PRTN3: variants seen among roughly 807,000 people sequenced by gnomAD.
The protein encoded by PRTN3 is proteinase 3.
PRTN3 carries 22 observed loss-of-function variants against 20.7 expected under a neutral mutation model. The observed-to-expected ratio is 1.06, with a 90% CI of 0.76 to 1.52. PRTN3 has a LOEUF of 1.52. PRTN3 is among the 40% of genes most tolerant of loss of function. The pLI, the probability that PRTN3 is intolerant of heterozygous loss-of-function variation, is 0.00. For synonymous variants in PRTN3, 173 were observed against 152.9 expected (o/e 1.13, Z -0.97); for missense variants, 378 against 359.6 (o/e 1.05, Z -0.41).
At chr19:841,642 C>T (rs187152277) in intron 1 of PRTN3, among the ~76,000 whole-genome samples, 19 of 151,434 alleles carry the variant, frequency 1.3e-4, no homozygotes, top group African/African-American at 3.2e-4. Flanking sequence ...GTGAAAGGGT[C>T]GAGGAGTTAG....
In PRTN3 at chr19:844,037, G is replaced by A. The variant is rs1321277633; in HGVS notation, c.369+3G>A. On this transcript the variant is annotated splice_donor_region_variant and intron_variant, in intron 3 of 4. Transcript: ENST00000234347. ...TGAACGACGTTCTCCTCATCCAGGTGGGCGGGCAGGGCCGCGAGGGCTCGG... is the reference window on the plus strand; with the variant it reads ...TGAACGACGTTCTCCTCATCCAGGTAGGCGGGCAGGGCCGCGAGGGCTCGG... The A allele has an allele frequency of 3.7e-6, 6 of 1,600,094 alleles. No homozygotes were observed. The highest frequency in any genetic ancestry group is 1.7e-5 in the Admixed American group (1 of 58,064).
At chr19:847,705 A>C in intron 4 of PRTN3, 94 bp from the exon 5 acceptor site, 1 of 1,431,628 alleles carries the variant, frequency 7.0e-7, no homozygotes. Context: ...CTCCCGGGAG[A>C]CTCAGGTGGC....
rs1160898484 is a variant in PRTN3 at position 843,452 on chromosome 19, C to A, written c.62-9C>A. On this transcript the variant is annotated splice_polypyrimidine_tract_variant and intron_variant, in intron 1 of 4. Coordinates refer to ENST00000234347, the MANE Select transcript of PRTN3 (RefSeq NM_002777.4). Reference sequence around the variant, plus strand: ...GGGGCTCCCTGACGCCTGGACTCCCCCCCTGCAGGTGCTGCCCGAGCTGCG... The same window carrying A: ...GGGGCTCCCTGACGCCTGGACTCCCACCCTGCAGGTGCTGCCCGAGCTGCG... 3 of 1,552,080 alleles carry A rather than the reference C, an allele frequency of 1.9e-6. No homozygotes were observed. The highest frequency in any genetic ancestry group is 2.4e-5 in the East Asian group (1 of 41,938).
chr19:846,674 C>T (rs1375173672), intron 4 of PRTN3, among the ~76,000 whole-genome samples: 1 of 152,244 alleles, frequency 6.6e-6, no homozygotes, highest in Non-Finnish European at 1.5e-5. Flanking sequence ...GAATCCAGGA[C>T]TCCAGGTATC....
intron 3 of PRTN3, among the ~76,000 whole-genome samples, chr19:845,867 A>T (rs959027592): frequency 6.6e-6 from 1 of 151,526 alleles, no homozygotes; most frequent in South Asian, 2.1e-4. Context: ...ACCTCACCCA[A>T]TGGGATGGCT....
intron 3 of PRTN3, among the ~76,000 whole-genome samples, chr19:845,850 G>C (rs919849982): frequency 2.6e-5 from 4 of 152,082 alleles, no homozygotes; most frequent in African/African-American, 9.7e-5. Context: ...TTGAGACCAG[G>C]CTGGCCACCT....
intron 1 of PRTN3, 39 bp downstream of exon 1, chr19:841,108 C>G (rs1394555890): frequency 4.4e-6 from 7 of 1,594,892 alleles, no homozygotes; most frequent in Non-Finnish European, 5.9e-6. Context: ...GCCTCCAGGC[C>G]CCGGTGGATT....
In PRTN3 at chr19:848,059, C is replaced by T. The variant is rs1178083809; in HGVS notation, c.*90C>T. Reference sequence around the variant, plus strand: ...TGGACAGAAGCAGCTCTTCCCCGAACACTGTGGCGTCCGGGACGGCCCCAC... The same window carrying T: ...TGGACAGAAGCAGCTCTTCCCCGAATACTGTGGCGTCCGGGACGGCCCCAC... On this transcript the variant is annotated 3_prime_UTR_variant, in exon 5 of 5. Transcript: ENST00000234347. 1.0e-5 allele frequency: 15 copies of T among 1,454,922 alleles called. No homozygotes were observed. Among genetic ancestry groups the T allele is most frequent in the Non-Finnish European group, 1.4e-5 (15 of 1,090,680 alleles). The allele number at this position is 1,454,922 out of a possible 1,614,324, so 90.1% of individuals were successfully genotyped here.
intron 3 of PRTN3, among the ~76,000 whole-genome samples, chr19:844,323 C>G (rs1459535704): frequency 4.3e-5 from 5 of 117,162 alleles, no homozygotes; most frequent in African/African-American, 1.4e-4. Flanking sequence ...CCCGCCCGCG[C>G]CTCTCCCTTG....
At position 846,272 on chromosome 19, in the gene PRTN3, C is replaced by T. The variant is rs746849951; in HGVS notation, c.495C>T (p.Pro165=). The T allele has an allele frequency of 4.4e-6, 7 of 1,583,362 alleles. No individual in the cohort carries two copies. The African/African-American group carries it at 6.8e-5, about 15-fold the overall frequency. The change falls in exon 4 of 5, where the codon CCC becomes CCT. Residue 165 remains proline (P), a synonymous_variant. Transcript: ENST00000234347. The stretch of plus-strand genomic sequence containing the variant: ...GGGGCCGCGTGGGTGCCCACGACCC[C>T]CCAGCCCAGGTCCTGCAGGAGCTCA... ...MGWGRVGAHD[P]PAQVLQELNV... is the part of the protein sequence containing the mutation.
chr19:847,943 C>A lies in PRTN3; in HGVS notation c.745C>A (p.Arg249Ser). 1.2e-6 allele frequency: 2 copies of A among 1,604,544 alleles called. No homozygotes were observed. Among genetic ancestry groups the A allele is most frequent in the Non-Finnish European group, 1.7e-6 (2 of 1,175,560 alleles). The change falls in exon 5 of 5, where the codon CGT (arginine) becomes AGT (serine). Residue 249 changes from arginine (R) to serine (S), a missense_variant. By Grantham distance (110) the Arg-to-Ser change is moderately radical (BLOSUM62 -1). Coordinates refer to ENST00000234347, the MANE Select transcript of PRTN3 (RefSeq NM_002777.4). Reference protein sequence around the residue: ...YVDWIRSTLRRVEAKGRP With the variant: ...YVDWIRSTLRSVEAKGRP ...GGACTGGATCCGTTCCACGCTGCGC[C>A]GTGTGGAGGCCAAGGGCCGCCCCTG... is the stretch of plus-strand genomic sequence containing the variant.
In PRTN3 at chr19:846,278, C is replaced by T. The variant is rs776292221; in HGVS notation, c.501C>T (p.Ala167=). The T allele has an allele frequency of 3.1e-6, 5 of 1,587,828 alleles. No individual in the cohort carries two copies. The Admixed American group carries it at 7.1e-5, about 22-fold the overall frequency. Reference sequence around the variant, plus strand: ...GCGTGGGTGCCCACGACCCCCCAGCCCAGGTCCTGCAGGAGCTCAATGTCA... The same window carrying T: ...GCGTGGGTGCCCACGACCCCCCAGCTCAGGTCCTGCAGGAGCTCAATGTCA... The part of the protein sequence containing the change: ...WGRVGAHDPP[A]QVLQELNVTV... Residue 167 remains alanine, a synonymous_variant, in exon 4 of 5, where the codon GCC becomes GCT. Coordinates refer to ENST00000234347, the MANE Select transcript of PRTN3 (RefSeq NM_002777.4).
At chr19:842,027 C>T (rs113422055) in intron 1 of PRTN3, among the ~76,000 whole-genome samples, 141 of 111,524 alleles carry the variant, frequency 1.3e-3, no homozygotes, top group African/African-American at 4.2e-3. Context: ...GCGCCTGGCC[C>T]TTTTTTTTTC....
intron 1 of PRTN3, among the ~76,000 whole-genome samples, chr19:841,991 T>C (rs1318256757): frequency 1.3e-5 from 2 of 151,334 alleles, no homozygotes; most frequent in East Asian, 3.9e-4. Flanking sequence ...CCTCCCAAAG[T>C]GCTGGGATTA....
intron 4 of PRTN3, 56 bp from the exon 5 acceptor site, chr19:847,743 C>G: frequency 6.5e-7 from 1 of 1,545,002 alleles, no homozygotes; most frequent in Non-Finnish European, 8.8e-7. Context: ...CCGTCCCCAT[C>G]CTCCAGGGAG....
intron 3 of PRTN3, among the ~76,000 whole-genome samples, chr19:845,573 G>T (rs1387380557): frequency 6.6e-6 from 1 of 151,930 alleles, no homozygotes; most frequent in Non-Finnish European, 1.5e-5. Context: ...AATTAGCTGG[G>T]CGTGACGGCA....
chr19:842,567 G>C (rs555390448), intron 1 of PRTN3, among the ~76,000 whole-genome samples: 13 of 136,840 alleles, frequency 9.5e-5, no homozygotes, highest in African/African-American at 3.7e-4. Context: ...TTACAGGTGC[G>C]AACCACCACA....
rs2035482854 is a variant in PRTN3, at chr19:844,092, C to T, written c.369+58C>T. The T allele has an allele frequency of 2.6e-6, 4 of 1,530,460 alleles. No individual in the cohort carries two copies. In the Admixed American group the frequency reaches 8.4e-5, roughly 32 times the overall value. 94.8% of individuals were successfully genotyped at this position (1,530,460 alleles called of 1,614,324 possible). A position where few individuals can be genotyped will look rare whatever the true frequency, so the allele number is the denominator to read the frequency against. On this transcript the variant is annotated intron_variant, in intron 3 of 4. Transcript: ENST00000234347. ...GCACGGCCAGAGGGCTCCGGGACCC[C>T]CATTCCTGCAGCCAGCATTCATTGA...
chr19:842,586 A>ATTTTTTTTTTTTTTT (rs71174326), intron 1 of PRTN3, among the ~76,000 whole-genome samples: 2 of 65,476 alleles, frequency 3.1e-5, no homozygotes, highest in African/African-American at 7.9e-5. Flanking sequence ...CACCTGGCTA[A>ATTTTTTTTTTTTTTT]TTTTTTTTTT....
Sources: allele counts gnomAD v4.1 joint callset (sites outside exome capture counted in the v4.1 genomes callset), GRCh38; gene constraint gnomAD v4.1.1; transcripts MANE v1.5; gene names NCBI Gene and HGNC (gene_info 2026-07-23, HGNC 2026-07-21).